The following TMEM38A variants were observed in gnomAD, a reference collection of about 807,000 sequenced individuals.
TMEM38A encodes transmembrane protein 38A, also known as trimeric intracellular cation channel type A.
TMEM38A carries 17 observed loss-of-function variants against 28.6 expected under a neutral mutation model. The ratio of observed to expected loss-of-function variants is 0.60; its 90% CI spans 0.41 to 0.89. TMEM38A has a LOEUF of 0.89. Among genes scored for constraint, TMEM38A ranks in the 40% least tolerant of loss-of-function variants. The pLI, the probability that TMEM38A is intolerant of heterozygous loss-of-function variation, is 0.00. For synonymous variants in TMEM38A, 169 were observed against 166.1 expected, an observed-to-expected ratio of 1.02 and a Z score of -0.14; for missense variants, 328 against 393.1, an observed-to-expected ratio of 0.83 and a Z score of 1.40.
At chr19:16,674,982 G>A (rs965745400) in intron 1 of TMEM38A, among the ~76,000 whole-genome samples, 4 of 152,128 alleles carry the variant, frequency 2.6e-5, no homozygotes, top group African/African-American at 7.2e-5. Context: ...CCCGTTGAAT[G>A]TATCATTAGT....
At chr19:16,685,048 CTGTA>C (rs1156348397) in intron 4 of TMEM38A, among the ~76,000 whole-genome samples, 1 of 84,418 alleles carries the variant, frequency 1.2e-5, no homozygotes, top group African/African-American at 1.2e-4. Flanking sequence ...GACCCTGTCT[CTGTA>C]AATAAATAAA....
chr19:16,678,766 CAAAAAAAA>C (rs61142232), intron 1 of TMEM38A, among the ~76,000 whole-genome samples: 11 of 48,686 alleles, frequency 2.3e-4, no homozygotes, highest in Non-Finnish European at 4.4e-4. Flanking sequence ...ACCCTGTGTC[CAAAAAAAA>C]AAAAAAAAAA....
Position 16,661,289 on chromosome 19 carries a change from C to T in TMEM38A, c.72C>T (p.Val24=). The change falls in exon 1 of 6, where the codon GTC becomes GTT. Residue 24 remains valine, a synonymous_variant. Transcript: ENST00000187762. The surrounding 1 kb of genome is among the most constrained non-coding windows in gnomAD (Gnocchi z 6.5). ...LSFSRVPLFP[V]FDLSYFIVSI... ...TCTCGCGGGTGCCGCTCTTCCCCGT[C>T]TTCGACCTCAGTTACTTCATCGTCT... 1.2e-6 allele frequency: 2 copies of T among 1,600,014 alleles called. No individual in the cohort carries two copies. The highest frequency in any genetic ancestry group is 1.7e-6 in the Non-Finnish European group (2 of 1,173,878).
intron 5 of TMEM38A, among the ~76,000 whole-genome samples, chr19:16,687,923 TC>T: frequency 6.6e-6 from 1 of 152,152 alleles, no homozygotes; most frequent in African/African-American, 2.4e-5. Flanking sequence ...CTTGGAACTT[TC>T]CAGGGGTCAA....
At chr19:16,671,197 T>C (rs1451383404) in intron 1 of TMEM38A, among the ~76,000 whole-genome samples, 1 of 137,692 alleles carries the variant, frequency 7.3e-6, no homozygotes, top group Non-Finnish European at 1.5e-5. Flanking sequence ...GGAAAGGACC[T>C]GGGCTTTTTT....
rs2086815097 is a variant in TMEM38A, at chr19:16,689,137, C to T, written c.*766C>T. ...TTTCAAAGTCTCTTCTTACCACGCT[C>T]CTCAGTGGCTAGACATTTTCACGTG... On this transcript the variant is annotated 3_prime_UTR_variant, in exon 6 of 6. Transcript: ENST00000187762. 6.6e-6 allele frequency: 1 copy of T among 152,206 alleles called. No individual in the cohort carries two copies. The highest frequency in any genetic ancestry group is 2.4e-5 in the African/African-American group (1 of 41,464). 9.4% of individuals were successfully genotyped at this position (152,206 alleles called of 1,614,324 possible). A position where few individuals can be genotyped will look rare whatever the true frequency, so the allele number is the denominator to read the frequency against.
chr19:16,665,023 G>A (rs908011318), intron 1 of TMEM38A, among the ~76,000 whole-genome samples: 7 of 151,466 alleles, frequency 4.6e-5, no homozygotes, highest in Admixed American at 3.3e-4. Context: ...GGCTAGGCGC[G>A]GTGTCTCATG....
chr19:16,665,806 CT>C (rs1314521776), intron 1 of TMEM38A, among the ~76,000 whole-genome samples: 4 of 147,726 alleles, frequency 2.7e-5, no homozygotes, highest in African/African-American at 7.5e-5. Context: ...TGTTTCTTTT[CT>C]TTTCCTTTTT....
rs1225670636 is a variant in TMEM38A at position 16,689,145 on chromosome 19, G to T, written c.*774G>T. The T allele has an allele frequency of 6.6e-6, 1 of 152,156 alleles. No individual in the cohort carries two copies. Among genetic ancestry groups the T allele is most frequent in the East Asian group, 1.9e-4 (1 of 5,194 alleles). 9.4% of individuals were successfully genotyped at this position (152,156 alleles called of 1,614,324 possible). A position where few individuals can be genotyped will look rare whatever the true frequency, so the allele number is the denominator to read the frequency against. The stretch of plus-strand genomic sequence containing the variant: ...TCTCTTCTTACCACGCTCCTCAGTG[G>T]CTAGACATTTTCACGTGGCCAGAAA... On this transcript the variant is annotated 3_prime_UTR_variant, in exon 6 of 6. Coordinates refer to ENST00000187762, the MANE Select transcript of TMEM38A (RefSeq NM_024074.4).
In TMEM38A at chr19:16,686,381, C is replaced by T. The variant is rs2086802139; in HGVS notation, c.648C>T (p.Phe216=). The part of the protein sequence containing the change: ...PVSKASLIFI[F]TLFMVSCKVF... ...CCAAAGCCAGCCTCATCTTCATCTT[C>T]ACCTTGTTCATGGTGTCCTGTAAGG... is the stretch of plus-strand genomic sequence containing the variant. The change falls in exon 5 of 6, where the codon TTC becomes TTT. Residue 216 remains phenylalanine, a synonymous_variant. Transcript: ENST00000187762. 1 of 1,613,510 alleles carries T rather than the reference C, an allele frequency of 6.2e-7. No individual in the cohort carries two copies.
chr19:16,688,366 G>T lies in TMEM38A; in HGVS notation c.895G>T (p.Asp299Tyr). The stretch of plus-strand genomic sequence containing the variant: ...CAGGAAGAAGAAGGCCAAGAAGGCG[G>T]ATTAGGGGGTGGCCCAAGGGGCACC... ...GSRKKKAKKA[D>Y] Residue 299 changes from aspartate (D) to tyrosine (Y), a missense_variant, in exon 6 of 6, where the codon GAT (aspartate) becomes TAT (tyrosine). Asp to Tyr is a radical substitution (Grantham distance 160). Coordinates refer to ENST00000187762, the MANE Select transcript of TMEM38A (RefSeq NM_024074.4). The T allele has an allele frequency of 6.3e-7, 1 of 1,581,788 alleles. No individual in the cohort carries two copies. Among genetic ancestry groups the T allele is most frequent in the Non-Finnish European group, 8.6e-7 (1 of 1,167,040 alleles).
intron 1 of TMEM38A, among the ~76,000 whole-genome samples, chr19:16,664,616 A>C (rs1457790329): frequency 6.6e-6 from 1 of 151,956 alleles, no homozygotes; most frequent in Non-Finnish European, 1.5e-5. Context: ...ATAGCCAGGC[A>C]TGGTGGTGTG....
chr19:16,688,628 T>C lies in TMEM38A; in HGVS notation c.*257T>C. On this transcript the variant is annotated 3_prime_UTR_variant, in exon 6 of 6. Coordinates refer to ENST00000187762, the MANE Select transcript of TMEM38A (RefSeq NM_024074.4). ...ACAGCTTTTGGAGGGGTTCACAGAA[T>C]CCTGGCAGCAGCTCCAGTCAAGAAT... The C allele has an allele frequency of 5.7e-6, 2 of 348,660 alleles. No homozygotes were observed. The highest frequency in any genetic ancestry group is 1.4e-4 in the South Asian group (1 of 7,288). 21.6% of individuals were successfully genotyped at this position (348,660 alleles called of 1,614,324 possible). A position where few individuals can be genotyped will look rare whatever the true frequency, so the allele number is the denominator to read the frequency against.
chr19:16,661,401 C>G lies in TMEM38A; in HGVS notation c.124+60C>G. ...GCGGGTGGCGCGGGCCGGGGCAGCT[C>G]GGGGGTCGCAGAGAGGGGAAGCCCG... On this transcript the variant is annotated intron_variant, in intron 1 of 5. Coordinates refer to ENST00000187762, the MANE Select transcript of TMEM38A (RefSeq NM_024074.4). The surrounding 1 kb of genome is among the most constrained non-coding windows in gnomAD (Gnocchi z 6.5). 3 of 1,410,218 alleles carry G rather than the reference C, an allele frequency of 2.1e-6. No homozygotes were observed. Among genetic ancestry groups the G allele is most frequent in the Non-Finnish European group, 2.8e-6 (3 of 1,055,644 alleles). The allele number at this position is 1,410,218 out of a possible 1,614,324, so 87.4% of individuals were successfully genotyped here. A position where few individuals can be genotyped will look rare whatever the true frequency, so the allele number is the denominator to read the frequency against.
chr19:16,688,413 G>A lies in TMEM38A; in HGVS notation c.*42G>A, dbSNP rs763901283. 4.1e-6 allele frequency: 6 copies of A among 1,449,492 alleles called. No individual in the cohort carries two copies. In the South Asian group the frequency reaches 8.3e-5, roughly 20 times the overall value. 89.8% of individuals were successfully genotyped at this position (1,449,492 alleles called of 1,614,324 possible). A position where few individuals can be genotyped will look rare whatever the true frequency, so the allele number is the denominator to read the frequency against. ...CACCGGGGAGAGGACCCGGACCCAG[G>A]ACCCTCTGAGCTGGGAGGCTTCCTG... On this transcript the variant is annotated 3_prime_UTR_variant, in exon 6 of 6. Coordinates refer to ENST00000187762, the MANE Select transcript of TMEM38A (RefSeq NM_024074.4).
intron 4 of TMEM38A, 57 bp downstream of exon 4, chr19:16,682,565 C>T: frequency 1.3e-6 from 2 of 1,500,560 alleles, no homozygotes; most frequent in East Asian, 2.3e-5. Context: ...GGTGCCTGAC[C>T]CTGAGTTGGA....
chr19:16,684,995 G>T (rs1327019246), intron 4 of TMEM38A, among the ~76,000 whole-genome samples: 1 of 151,524 alleles, frequency 6.6e-6, no homozygotes, highest in African/African-American at 2.4e-5. Flanking sequence ...GTTACAGTGA[G>T]CCATGATCAG....
At chr19:16,667,093 A>C (rs1265302380) in intron 1 of TMEM38A, among the ~76,000 whole-genome samples, 1 of 151,764 alleles carries the variant, frequency 6.6e-6, no homozygotes, top group Non-Finnish European at 1.5e-5. Context: ...ACATGGCGAA[A>C]CCCTGTCTCT....
At chr19:16,684,410 G>A (rs567899900) in intron 4 of TMEM38A, among the ~76,000 whole-genome samples, 1 of 152,040 alleles carries the variant, frequency 6.6e-6, no homozygotes, top group African/African-American at 2.4e-5. Flanking sequence ...GTCTCAGAAG[G>A]TTGAAGCTGG....
Sources: allele counts gnomAD v4.1 joint callset (sites outside exome capture counted in the v4.1 genomes callset), GRCh38; gene constraint gnomAD v4.1.1; non-coding constraint Gnocchi (gnomAD v3.1); transcripts MANE v1.5; gene names NCBI Gene and HGNC (gene_info 2026-07-23, HGNC 2026-07-21).